The following PCGF5 variants were observed in gnomAD, a reference collection of about 807,000 sequenced individuals.
The protein encoded by PCGF5 is polycomb group ring finger 5, also known as polycomb group RING finger protein 5.
Under a neutral mutation model 44.3 loss-of-function variants are expected in PCGF5, and 9 were observed. The observed-to-expected ratio is 0.20, with a 90% CI of 0.12 to 0.35. The LOEUF (loss-of-function observed/expected upper bound fraction) is 0.35. Among genes scored for constraint, PCGF5 ranks in the 10% least tolerant of loss-of-function variants. PCGF5 has a pLI of 1.00. For synonymous variants in PCGF5, 95 were observed against 102.5 expected, an observed-to-expected ratio of 0.93 and a Z score of 0.44; for missense variants, 146 against 305.3, an observed-to-expected ratio of 0.48 and a Z score of 3.89.
At chr10:91,264,336 C>A in intron 7 of PCGF5, 95 bp from the exon 8 acceptor site, 1 of 938,392 alleles carries the variant, frequency 1.1e-6, no homozygotes. Context: ...ACTTTTGTTC[C>A]AACTATTTGA....
intron 3 of PCGF5, among the ~76,000 whole-genome samples, chr10:91,246,974 GATAGATA>G (rs1564648059): frequency 2.1e-4 from 2 of 9,598 alleles, no homozygotes; most frequent in Non-Finnish European, 2.1e-4. Context: ...TGGATAGATA[GATAGATA>G]GATAGATAGA....
At chr10:91,227,911 TA>T (rs1361378748) in intron 2 of PCGF5, 24 of 981,954 alleles carry the variant, frequency 2.4e-5, no homozygotes, top group Non-Finnish European at 2.9e-5. Context: ...AGATTTGGGT[TA>T]AGTGTCTCAA....
chr10:91,246,819 A>G (rs1421728626), intron 3 of PCGF5, among the ~76,000 whole-genome samples: 2 of 152,130 alleles, frequency 1.3e-5, no homozygotes, highest in East Asian at 3.8e-4. Flanking sequence ...GCTACTTAGT[A>G]TTTTATTGGA....
At chr10:91,264,632 A>T in intron 8 of PCGF5, 112 bp downstream of exon 8, 1 of 811,758 alleles carries the variant, frequency 1.2e-6, no homozygotes, top group Non-Finnish European at 1.9e-6. Flanking sequence ...GAAGGAGAAG[A>T]AACTGGTTTT....
chr10:91,215,871 G>A (rs111499914), upstream of PCGF5, among the ~76,000 whole-genome samples: 1,917 of 152,234 alleles, frequency 0.013, 34 homozygotes, highest in African/African-American at 0.041. Flanking sequence ...TGTTTCTTGT[G>A]GATAAGTCTG....
At chr10:91,273,653 A>T (rs1352755122) in intron 9 of PCGF5, among the ~76,000 whole-genome samples, 1 of 152,228 alleles carries the variant, frequency 6.6e-6, no homozygotes, top group Non-Finnish European at 1.5e-5. Context: ...CCTATGCTGT[A>T]TCTATTGTTA....
intron 1 of PCGF5, among the ~76,000 whole-genome samples, chr10:91,202,176 G>A (rs868664691): frequency 2.6e-5 from 4 of 152,172 alleles, no homozygotes; most frequent in Non-Finnish European, 4.4e-5. Flanking sequence ...CCATGCCTTC[G>A]TATAAAATGT....
At chr10:91,261,211 A>C (rs1329063130) in intron 6 of PCGF5, 115 bp from the exon 7 acceptor site, 2 of 1,244,712 alleles carry the variant, frequency 1.6e-6, no homozygotes, top group East Asian at 5.9e-5. Context: ...TTTTCACAAT[A>C]CATTTTAAAA....
chr10:91,225,962 A>T (rs1844822791), intron 2 of PCGF5, among the ~76,000 whole-genome samples: 1 of 152,082 alleles, frequency 6.6e-6, no homozygotes, highest in African/African-American at 2.4e-5. Flanking sequence ...AAAATTAAAT[A>T]ACCAAATGGA....
chr10:91,263,432 A>G (rs906753532), intron 7 of PCGF5, among the ~76,000 whole-genome samples: 5 of 152,152 alleles, frequency 3.3e-5, no homozygotes, highest in Non-Finnish European at 7.3e-5. Context: ...TTTGCTTCAC[A>G]TGTCTAATAC....
chr10:91,197,186 G>T (rs538361616), intron 1 of PCGF5, among the ~76,000 whole-genome samples: 33 of 152,270 alleles, frequency 2.2e-4, no homozygotes, highest in South Asian at 4.1e-4. Flanking sequence ...TTGGAGTCTG[G>T]TCAGCAGCGT....
intron 1 of PCGF5, among the ~76,000 whole-genome samples, chr10:91,195,533 G>A (rs896459761): frequency 6.6e-6 from 1 of 150,842 alleles, no homozygotes. Context: ...CACTCAGACG[G>A]GAGTGCAGTG....
chr10:91,279,860 A>G lies in PCGF5; in HGVS notation c.*1544A>G, dbSNP rs1342129948. On this transcript the variant is annotated 3_prime_UTR_variant, in exon 10 of 10. Coordinates refer to ENST00000336126, the MANE Select transcript of PCGF5 (RefSeq NM_032373.5). ...CCTTCTGAATTTCAAAATGATTCTT[A>G]GAAATAAGATATTGTACAACTCTAG... 6.6e-6 allele frequency: 1 copy of G among 152,118 alleles called. No homozygotes were observed. Among genetic ancestry groups the G allele is most frequent in the Non-Finnish European group, 1.5e-5 (1 of 67,940 alleles). 9.4% of individuals were successfully genotyped at this position (152,118 alleles called of 1,614,324 possible). A position where few individuals can be genotyped will look rare whatever the true frequency, so the allele number is the denominator to read the frequency against.
intron 5 of PCGF5, among the ~76,000 whole-genome samples, chr10:91,250,602 T>G (rs1051149444): frequency 6.6e-6 from 1 of 151,530 alleles, no homozygotes; most frequent in Non-Finnish European, 1.5e-5. Flanking sequence ...AGGCCTTGTA[T>G]GATGTGTATC....
upstream of PCGF5, among the ~76,000 whole-genome samples, chr10:91,158,999 G>T (rs1177971335): frequency 6.6e-6 from 1 of 152,250 alleles, no homozygotes; most frequent in South Asian, 2.1e-4. Flanking sequence ...GAGGACTGGT[G>T]GGGGGATCCA....
At chr10:91,192,862 T>C (rs1844058319) in intron 1 of PCGF5, among the ~76,000 whole-genome samples, 1 of 152,138 alleles carries the variant, frequency 6.6e-6, no homozygotes, top group Non-Finnish European at 1.5e-5. Flanking sequence ...CCCCTAAAAG[T>C]CCATACCCTA....
At chr10:91,164,489 C>G (rs928745369) in intron 1 of PCGF5, among the ~76,000 whole-genome samples, 3 of 152,218 alleles carry the variant, frequency 2.0e-5, no homozygotes, top group African/African-American at 4.8e-5. Context: ...GTATCAGACT[C>G]TGAAGGAATC....
At chr10:91,160,281 A>G (rs1843361298), upstream of PCGF5, among the ~76,000 whole-genome samples, 1 of 152,160 alleles carries the variant, frequency 6.6e-6, no homozygotes, top group Admixed American at 6.6e-5. Context: ...GATTTGGGCG[A>G]AGTATCTGTG....
intron 1 of PCGF5, among the ~76,000 whole-genome samples, chr10:91,174,729 A>G (rs984857360): frequency 6.6e-6 from 1 of 152,234 alleles, no homozygotes; most frequent in Non-Finnish European, 1.5e-5. Context: ...AAAATACAGA[A>G]AAATTATGGC....
Sources: allele counts gnomAD v4.1 joint callset (sites outside exome capture counted in the v4.1 genomes callset), GRCh38; gene constraint gnomAD v4.1.1; transcripts MANE v1.5; gene names NCBI Gene and HGNC (gene_info 2026-07-23, HGNC 2026-07-21).